The following CDC42SE2 variants were observed in gnomAD, a reference collection of about 807,000 sequenced individuals.
CDC42SE2 encodes CDC42 small effector protein 2.
Under a neutral mutation model 11.5 loss-of-function variants are expected in CDC42SE2, and 3 were observed. The observed-to-expected ratio is 0.26, with a 90% CI of 0.12 to 0.67. The LOEUF (loss-of-function observed/expected upper bound fraction) is 0.67. CDC42SE2 is among the 30% of genes least tolerant of loss of function. The pLI is 0.80. For synonymous variants in CDC42SE2, 33 were observed against 34.8 expected (o/e 0.95, Z 0.18); for missense variants, 82 against 106.8 (o/e 0.77, Z 1.02).
rs148166599 is a variant in CDC42SE2 at position 131,289,660 on chromosome 5, G to A, written c.-455+25494G>A. Among the ~76,000 whole-genome samples, 1,474 of 150,668 alleles carry A rather than the reference G, an allele frequency of 9.8e-3. 27 individuals are homozygous for A. The highest frequency in any genetic ancestry group is 0.034 in the African/African-American group (1,392 of 41,014). ...TGCACTCCAGCCTGGGTGACAGAGC[G>A]AGACTCTGTCTCAAAAAAAAAAAAA... On this transcript the variant is annotated intron_variant, in intron 1 of 4. Transcript: ENST00000505065.
Position 131,393,468 on chromosome 5 carries a change from G to C in CDC42SE2, c.*2377G>C, listed in dbSNP as rs992485701. ...GCATCTTCGGAGTAGACATTTTGCA[G>C]TTTGTTTAATAACAACTTCTAAAGT... On this transcript the variant is annotated 3_prime_UTR_variant, in exon 5 of 5. Transcript: ENST00000505065. The C allele has an allele frequency of 2.6e-5, 4 of 152,340 alleles. No homozygotes were observed. Among genetic ancestry groups the C allele is most frequent in the Non-Finnish European group, 5.9e-5 (4 of 68,046 alleles). The allele number at this position is 152,340 out of a possible 1,614,324, so 9.4% of individuals were successfully genotyped here.
intron 2 of CDC42SE2, among the ~76,000 whole-genome samples, chr5:131,333,363 A>G (rs1758469456): frequency 1.3e-5 from 2 of 152,166 alleles, no homozygotes; most frequent in Admixed American, 1.3e-4. Context: ...CTGTTTGGTT[A>G]CTGTAGCCTT....
At chr5:131,245,418 T>C (rs1756572896), upstream of CDC42SE2, 2 of 152,142 alleles carry the variant, frequency 1.3e-5, no homozygotes, top group South Asian at 2.1e-4. Context: ...CTTACCAAGA[T>C]TGTACATTGA....
intron 3 of CDC42SE2, among the ~76,000 whole-genome samples, chr5:131,370,261 T>A (rs1486856146): frequency 6.6e-6 from 1 of 152,012 alleles, no homozygotes. Context: ...GAAAAGAAAC[T>A]CAGCGAAAAA....
chr5:131,342,387 T>C (rs1758731602), intron 2 of CDC42SE2, among the ~76,000 whole-genome samples: 1 of 125,132 alleles, frequency 8.0e-6, no homozygotes, highest in African/African-American at 3.8e-5. Context: ...TTTTTAATAG[T>C]CTTTTTTTTT....
At chr5:131,251,199 A>G (rs1488765298) in intron 1 of CDC42SE2, among the ~76,000 whole-genome samples, 1 of 152,250 alleles carries the variant, frequency 6.6e-6, no homozygotes, top group African/African-American at 2.4e-5. Context: ...ATCTGTTAAC[A>G]GAATATGAAA....
At chr5:131,345,748 A>C (rs1359317840) in intron 2 of CDC42SE2, among the ~76,000 whole-genome samples, 1 of 152,240 alleles carries the variant, frequency 6.6e-6, no homozygotes, top group Non-Finnish European at 1.5e-5. Context: ...GCAGCCAGAG[A>C]GAAAGGTCGG....
chr5:131,342,938 C>G (rs1758747960), intron 2 of CDC42SE2, among the ~76,000 whole-genome samples: 1 of 152,104 alleles, frequency 6.6e-6, no homozygotes, highest in African/African-American at 2.4e-5. Flanking sequence ...GTCTTAAACT[C>G]CTGACCTCAG....
upstream of CDC42SE2, chr5:131,264,019 A>G (rs1034659013): frequency 2.6e-5 from 4 of 151,376 alleles, no homozygotes; most frequent in Admixed American, 6.6e-5. Context: ...GCTCCGCCCA[A>G]CCCGCGCGCG....
intron 1 of CDC42SE2, among the ~76,000 whole-genome samples, chr5:131,284,858 T>C (rs554829087): frequency 3.3e-5 from 5 of 152,192 alleles, no homozygotes; most frequent in Non-Finnish European, 5.9e-5. Flanking sequence ...GAATAGTTTT[T>C]TTAAATGATA....
At position 131,323,205 on chromosome 5, in the gene CDC42SE2, T is replaced by C. The variant is rs576190400; in HGVS notation, c.-286+7061T>C. On this transcript the variant is annotated intron_variant, in intron 2 of 4. Transcript: ENST00000505065. ...CCACACCTGGCTTTTTTTTTTTTTT[T>C]AGTAGAGACAGTGTCTCTCTATGTT... Among the ~76,000 whole-genome samples the C allele has an allele frequency of 4.4e-3, 659 of 151,320 alleles. 9 individuals are homozygous for C. The highest frequency in any genetic ancestry group is 3.5e-3 in the Non-Finnish European group (235 of 67,800).
chr5:131,355,809 C>A (rs978953706), intron 2 of CDC42SE2, among the ~76,000 whole-genome samples: 5 of 151,898 alleles, frequency 3.3e-5, no homozygotes, highest in African/African-American at 1.2e-4. Flanking sequence ...TATTAAATTG[C>A]GGGTAGGATG....
chr5:131,273,000 G>A (rs911176904), intron 1 of CDC42SE2, among the ~76,000 whole-genome samples: 1 of 151,728 alleles, frequency 6.6e-6, no homozygotes, highest in Non-Finnish European at 1.5e-5. Flanking sequence ...TTCTTTTGTT[G>A]GTTCCTTTTC....
At chr5:131,327,664 A>G (rs1758325318) in intron 2 of CDC42SE2, among the ~76,000 whole-genome samples, 1 of 152,334 alleles carries the variant, frequency 6.6e-6, no homozygotes, top group East Asian at 1.9e-4. Flanking sequence ...AGGGTTTTTC[A>G]TAATTTATTT....
At chr5:131,363,668 C>T (rs150291418) in intron 3 of CDC42SE2, among the ~76,000 whole-genome samples, 1,503 of 149,124 alleles carry the variant, frequency 0.01, 27 homozygotes, top group African/African-American at 0.035. Context: ...TGAGCCACCG[C>T]GCCCGGCCTT....
Position 131,393,742 on chromosome 5 carries a change from A to G in CDC42SE2, c.*2651A>G, listed in dbSNP as rs1357270127. The G allele has an allele frequency of 6.6e-6, 1 of 152,128 alleles. No homozygotes were observed. The highest frequency in any genetic ancestry group is 1.5e-5 in the Non-Finnish European group (1 of 68,006). 9.4% of individuals were successfully genotyped at this position (152,128 alleles called of 1,614,324 possible). On this transcript the variant is annotated 3_prime_UTR_variant, in exon 5 of 5. Coordinates refer to ENST00000505065, the MANE Select transcript of CDC42SE2 (RefSeq NM_001375635.1). ...AGTACAATTTTTCTACTTGTCATAT[A>G]ACTCCTGGAACAATAGTACGGGAAG...
At chr5:131,350,088 C>G (rs1181878825) in intron 2 of CDC42SE2, among the ~76,000 whole-genome samples, 1 of 151,766 alleles carries the variant, frequency 6.6e-6, no homozygotes, top group Non-Finnish European at 1.5e-5. Context: ...TTAAAAAAAT[C>G]AAATATATTT....
At chr5:131,272,118 C>G (rs1448239694) in intron 1 of CDC42SE2, among the ~76,000 whole-genome samples, 1 of 152,128 alleles carries the variant, frequency 6.6e-6, no homozygotes, top group Admixed American at 6.5e-5. Context: ...TCAAGTGATT[C>G]TCCTGCCTCA....
At chr5:131,321,159 ACTT>A (rs1758178797) in intron 2 of CDC42SE2, among the ~76,000 whole-genome samples, 1 of 152,210 alleles carries the variant, frequency 6.6e-6, no homozygotes, top group African/African-American at 2.4e-5. Flanking sequence ...CATCAGTTTC[ACTT>A]CTTGGAATTT....
Sources: gnomAD v4.1 joint callset for allele counts (sites outside exome capture counted in the v4.1 genomes callset) on GRCh38, gnomAD v4.1.1 for gene constraint, MANE v1.5 for transcripts, NCBI Gene and HGNC (gene_info 2026-07-23, HGNC 2026-07-21) for gene names.